MAGI1: variants seen among roughly 807,000 people sequenced by gnomAD.
The protein encoded by MAGI1 is membrane associated guanylate kinase, WW and PDZ domain containing 1, also known as membrane-associated guanylate kinase, WW and PDZ domain-containing protein 1.
MAGI1 carries 58 observed loss-of-function variants against 139.9 expected under a neutral mutation model. The ratio of observed to expected loss-of-function variants is 0.41; its 90% CI spans 0.34 to 0.52. The LOEUF is 0.52. MAGI1 is among the 20% of genes least tolerant of loss of function. The pLI is 0.12. For synonymous variants in MAGI1, 812 were observed against 737.9 expected, an observed-to-expected ratio of 1.10 and a Z score of -1.63; for missense variants, 1,874 against 1,901.6, an observed-to-expected ratio of 0.99 and a Z score of 0.27.
chr3:65,898,885 T>C (rs1002298283), intron 1 of MAGI1, among the ~76,000 whole-genome samples: 2 of 152,140 alleles, frequency 1.3e-5, no homozygotes, highest in Non-Finnish European at 2.9e-5. Context: ...TATTTGTCAA[T>C]TTAAGTAAAT....
chr3:65,415,460 T>C (rs1314855338), intron 12 of MAGI1, among the ~76,000 whole-genome samples: 1 of 152,170 alleles, frequency 6.6e-6, no homozygotes, highest in Non-Finnish European at 1.5e-5. Context: ...CTTCAGATGA[T>C]AATCTGGAGG....
chr3:65,501,343 G>C (rs544281107), intron 2 of MAGI1, among the ~76,000 whole-genome samples: 3 of 149,006 alleles, frequency 2.0e-5, no homozygotes, highest in Non-Finnish European at 4.4e-5. Flanking sequence ...GTGGTGGCAG[G>C]CACCTGTATT....
At position 65,375,749 on chromosome 3, in the gene MAGI1, C is replaced by T. The variant is rs1452799198; in HGVS notation, c.3192G>A (p.Gly1064=). 1 of 1,610,328 alleles carries T rather than the reference C, an allele frequency of 6.2e-7. No homozygotes were observed. Among genetic ancestry groups the T allele is most frequent in the Non-Finnish European group, 8.5e-7 (1 of 1,176,816 alleles). ...GAGATAATAGGTATACTTTACCATC[C>T]CCAGGAATGATGCGGAGGGTAACTG... ...GNTVTLRIIP[G]DESSNATLLT... Residue 1064 remains glycine, a synonymous_variant, in exon 18 of 23, where the codon GGG becomes GGA. Transcript: ENST00000402939.
At chr3:65,693,759 T>A (rs536337449) in intron 1 of MAGI1, among the ~76,000 whole-genome samples, 135 of 152,284 alleles carry the variant, frequency 8.9e-4, no homozygotes, top group African/African-American at 3.2e-3. Flanking sequence ...AGTCTTGTTC[T>A]GTCACCCAGG....
At chr3:65,874,977 G>C (rs1229841452) in intron 1 of MAGI1, 1 of 152,662 alleles carries the variant, frequency 6.6e-6, no homozygotes, top group Non-Finnish European at 1.5e-5. Context: ...CAGCACTCTA[G>C]GAGGCTGAGG....
intron 1 of MAGI1, among the ~76,000 whole-genome samples, chr3:65,740,988 T>C (rs1251067107): frequency 4.6e-5 from 7 of 152,164 alleles, no homozygotes; most frequent in Non-Finnish European, 1.0e-4. Context: ...GGGGGAAATA[T>C]GATTCAATGA....
At chr3:65,906,390 T>C (rs963005371) in intron 1 of MAGI1, among the ~76,000 whole-genome samples, 5 of 152,150 alleles carry the variant, frequency 3.3e-5, no homozygotes, top group Non-Finnish European at 7.3e-5. Flanking sequence ...GCATGTCCAC[T>C]GGTCAGTTTA....
chr3:65,366,618 A>G (rs1437144667), intron 18 of MAGI1, among the ~76,000 whole-genome samples: 1 of 152,094 alleles, frequency 6.6e-6, no homozygotes, highest in Admixed American at 6.6e-5. Context: ...ATGCTCTTCA[A>G]TTTCCTGGAT....
intron 1 of MAGI1, among the ~76,000 whole-genome samples, chr3:65,677,691 T>G (rs939432185): frequency 6.6e-6 from 1 of 152,198 alleles, no homozygotes; most frequent in Non-Finnish European, 1.5e-5. Flanking sequence ...GGTGGGAACC[T>G]CTGCACTTTC....
chr3:65,821,104 G>A (rs1050320522), intron 1 of MAGI1, among the ~76,000 whole-genome samples: 1 of 151,724 alleles, frequency 6.6e-6, no homozygotes, highest in Non-Finnish European at 1.5e-5. Flanking sequence ...ACAGGTGCAT[G>A]GGTGCTAGTT....
At chr3:65,882,150 T>C (rs1304131430) in intron 1 of MAGI1, among the ~76,000 whole-genome samples, 1 of 152,216 alleles carries the variant, frequency 6.6e-6, no homozygotes, top group Non-Finnish European at 1.5e-5. Context: ...TCATTCTCTG[T>C]GAGGTGGGTT....
At chr3:66,003,428 G>A (rs557100907) in intron 1 of MAGI1, among the ~76,000 whole-genome samples, 30 of 152,060 alleles carry the variant, frequency 2.0e-4, no homozygotes, top group Admixed American at 5.9e-4. Context: ...GGCCAAGGTG[G>A]GTGGATCACA....
rs138376993 is a variant in MAGI1 at position 65,445,132 on chromosome 3, C to T, written c.1079-2283G>A. On this transcript the variant is annotated intron_variant, in intron 7 of 22. Coordinates refer to ENST00000402939, the MANE Select transcript of MAGI1 (RefSeq NM_001033057.2). Reference sequence around the variant, plus strand: ...GAGCAGATTAGACAGTACAACCTATCACAGAGATTTGAAGTGGCTAAGATC... The same window carrying T: ...GAGCAGATTAGACAGTACAACCTATTACAGAGATTTGAAGTGGCTAAGATC... Among the ~76,000 whole-genome samples, 854 of 152,308 alleles carry T rather than the reference C, an allele frequency of 5.6e-3. 8 individuals are homozygous for T. The highest frequency in any genetic ancestry group is 0.018 in the African/African-American group (763 of 41,572).
chr3:65,387,354 T>C, intron 14 of MAGI1: 1 of 623,820 alleles, frequency 1.6e-6, no homozygotes, highest in Non-Finnish European at 2.8e-6. Flanking sequence ...GGCTGTTATG[T>C]TAAAAGACTA....
At chr3:65,566,600 A>T (rs1201879625) in intron 2 of MAGI1, among the ~76,000 whole-genome samples, 1 of 152,038 alleles carries the variant, frequency 6.6e-6, no homozygotes, top group Admixed American at 6.5e-5. Context: ...CAGTTTTCCC[A>T]AGTCCGTGTT....
At chr3:65,474,376 C>T (rs1950735726) in intron 4 of MAGI1, among the ~76,000 whole-genome samples, 1 of 152,176 alleles carries the variant, frequency 6.6e-6, no homozygotes, top group Non-Finnish European at 1.5e-5. Flanking sequence ...GAATGGAATA[C>T]TGGAACAAGA....
At chr3:65,687,903 G>C (rs1475260277) in intron 1 of MAGI1, 1 of 657,448 alleles carries the variant, frequency 1.5e-6, no homozygotes, top group East Asian at 3.6e-5. Context: ...ATTGCAGGGT[G>C]CCTTAGCAGC....
At chr3:65,473,048 C>T (rs1264242643) in intron 4 of MAGI1, among the ~76,000 whole-genome samples, 1 of 152,160 alleles carries the variant, frequency 6.6e-6, no homozygotes, top group Non-Finnish European at 1.5e-5. Context: ...GGGACAAAAA[C>T]AATCTCTACT....
intron 1 of MAGI1, among the ~76,000 whole-genome samples, chr3:65,867,440 G>C (rs2059767927): frequency 6.6e-6 from 1 of 152,106 alleles, no homozygotes; most frequent in Non-Finnish European, 1.5e-5. Flanking sequence ...AACTTCAAAG[G>C]GTGTGAGTGG....
Sources: allele counts gnomAD v4.1 joint callset (sites outside exome capture counted in the v4.1 genomes callset), GRCh38; gene constraint gnomAD v4.1.1; transcripts MANE v1.5; gene names NCBI Gene and HGNC (gene_info 2026-07-23, HGNC 2026-07-21).